The following GPM6A variants were observed in gnomAD, a reference collection of about 807,000 sequenced individuals.
The protein encoded by GPM6A is glycoprotein M6A.
A neutral mutation model predicts 32.1 loss-of-function variants in GPM6A; 7 were observed. The ratio of observed to expected loss-of-function variants is 0.22; its 90% CI spans 0.12 to 0.41. The LOEUF (loss-of-function observed/expected upper bound fraction) is 0.41. GPM6A is among the 10% of genes least tolerant of loss of function. GPM6A has a pLI of 1.00. For missense variants in GPM6A, 235 were observed against 347.2 expected (o/e 0.68, Z 2.57); for synonymous variants, 130 against 123.4 (o/e 1.05, Z -0.35).
intron 1 of GPM6A, among the ~76,000 whole-genome samples, chr4:176,001,503 G>C (rs1741479693): frequency 6.6e-6 from 1 of 152,174 alleles, no homozygotes; most frequent in Admixed American, 6.5e-5. Flanking sequence ...TTCACACCCA[G>C]TTCTTCCTCC....
At chr4:175,729,455 CCTGT>C (rs1238806847) in intron 1 of GPM6A, among the ~76,000 whole-genome samples, 2 of 151,894 alleles carry the variant, frequency 1.3e-5, no homozygotes, top group East Asian at 3.9e-4. Flanking sequence ...GGAAGATCTC[CCTGT>C]CTATTTAAAG....
intron 2 of GPM6A, among the ~76,000 whole-genome samples, chr4:175,686,823 A>C (rs186038873): frequency 1.2e-3 from 186 of 152,358 alleles, no homozygotes; most frequent in African/African-American, 4.4e-3. Context: ...GCTTGAAACA[A>C]ATTCTGACAT....
chr4:175,682,365 C>T (rs1011856634), intron 2 of GPM6A, among the ~76,000 whole-genome samples: 6 of 152,036 alleles, frequency 3.9e-5, no homozygotes, highest in Admixed American at 3.9e-4. Context: ...GGGGAATTTA[C>T]AGCCTGACCA....
chr4:175,757,204 A>G (rs145437376), intron 1 of GPM6A, among the ~76,000 whole-genome samples: 1 of 152,006 alleles, frequency 6.6e-6, no homozygotes, highest in Non-Finnish European at 1.5e-5. Context: ...GAGCGAAGCT[A>G]TGAGGAGGCA....
At chr4:175,638,716 A>G (rs1366060606) in intron 6 of GPM6A, among the ~76,000 whole-genome samples, 3 of 152,138 alleles carry the variant, frequency 2.0e-5, no homozygotes, top group Non-Finnish European at 4.4e-5. Context: ...TTTTTAAAAG[A>G]TACCTTCACA....
chr4:175,862,239 T>C (rs1051586991), intron 1 of GPM6A, among the ~76,000 whole-genome samples: 9 of 152,128 alleles, frequency 5.9e-5, no homozygotes, highest in African/African-American at 1.7e-4. Flanking sequence ...GCTGCATATA[T>C]CCATGTAAAC....
chr4:175,662,104 A>C (rs1461547439), intron 3 of GPM6A, among the ~76,000 whole-genome samples: 2 of 152,164 alleles, frequency 1.3e-5, no homozygotes, highest in African/African-American at 2.4e-5. Flanking sequence ...TGACAGGCAT[A>C]TTTAATATTA....
intron 1 of GPM6A, among the ~76,000 whole-genome samples, chr4:175,889,684 A>G (rs967135629): frequency 1.3e-5 from 2 of 152,034 alleles, no homozygotes; most frequent in African/African-American, 4.8e-5. Context: ...GTGGTGGCGG[A>G]CGCCTGTAGT....
chr4:175,650,477 T>A (rs1478373207), intron 4 of GPM6A, among the ~76,000 whole-genome samples: 1 of 151,836 alleles, frequency 6.6e-6, no homozygotes. Context: ...GCTAATTTTT[T>A]AATTTTTAGT....
At chr4:175,645,723 AAAAC>A (rs1414444770) in intron 4 of GPM6A, among the ~76,000 whole-genome samples, 10 of 152,174 alleles carry the variant, frequency 6.6e-5, no homozygotes, top group Non-Finnish European at 1.0e-4. Flanking sequence ...TCCGTCTCAA[AAAAC>A]AAACAAACAA....
chr4:175,911,046 T>A (rs10520315), intron 1 of GPM6A, among the ~76,000 whole-genome samples: 8,551 of 152,114 alleles, frequency 0.056, 771 homozygotes, highest in African/African-American at 0.19. Flanking sequence ...TGCTTACACA[T>A]CCTATGCCCC....
chr4:175,860,166 A>G (rs2111418494), intron 1 of GPM6A, among the ~76,000 whole-genome samples: 1 of 152,090 alleles, frequency 6.6e-6, no homozygotes, highest in South Asian at 2.1e-4. Context: ...ATTAAGCCCA[A>G]CACAAGCAGA....
chr4:176,001,198 T>C (rs1741466155), intron 1 of GPM6A, among the ~76,000 whole-genome samples: 1 of 152,136 alleles, frequency 6.6e-6, no homozygotes, highest in African/African-American at 2.4e-5. Context: ...AGCACGTCAG[T>C]CCCCAAGGCC....
chr4:175,887,110 C>T (rs2095128170), intron 1 of GPM6A, among the ~76,000 whole-genome samples: 1 of 151,530 alleles, frequency 6.6e-6, no homozygotes, highest in Non-Finnish European at 1.5e-5. Flanking sequence ...ACCTGGTACC[C>T]AATAATTAAA....
chr4:175,753,535 G>A (rs758704125), intron 1 of GPM6A, among the ~76,000 whole-genome samples: 12 of 152,102 alleles, frequency 7.9e-5, no homozygotes, highest in Non-Finnish European at 1.5e-4. Context: ...CTGAAACAAT[G>A]TGTTTTTACC....
chr4:175,660,226 C>T (rs1252900844), intron 3 of GPM6A, among the ~76,000 whole-genome samples: 2 of 151,900 alleles, frequency 1.3e-5, no homozygotes, highest in Admixed American at 6.6e-5. Flanking sequence ...GTTGAAACCC[C>T]GTCTCTACTA....
chr4:175,697,998 CT>C (rs2111054842), intron 2 of GPM6A, among the ~76,000 whole-genome samples: 1 of 152,264 alleles, frequency 6.6e-6, no homozygotes, highest in South Asian at 2.1e-4. Context: ...ATTGCGTTTG[CT>C]GTTGCCTTTC....
intron 3 of GPM6A, among the ~76,000 whole-genome samples, chr4:175,671,715 C>G (rs1201605749): frequency 1.3e-5 from 2 of 152,202 alleles, no homozygotes; most frequent in East Asian, 1.9e-4. Flanking sequence ...GAGCTAGCCC[C>G]CTTCGTGAAG....
intron 6 of GPM6A, among the ~76,000 whole-genome samples, chr4:175,636,534 G>A (rs921961745): frequency 3.3e-5 from 5 of 150,466 alleles, no homozygotes; most frequent in African/African-American, 7.3e-5. Flanking sequence ...GGTGGCTCAC[G>A]CCTGTAATCC....
Sources: gnomAD v4.1 joint callset for allele counts (sites outside exome capture counted in the v4.1 genomes callset) on GRCh38, gnomAD v4.1.1 for gene constraint, MANE v1.5 for transcripts, NCBI Gene and HGNC (gene_info 2026-07-23, HGNC 2026-07-21) for gene names.